The following FAR2 variants were observed in gnomAD, a reference collection of about 807,000 sequenced individuals.
FAR2 encodes the protein epididymis secretory protein Li 81.
Under a neutral mutation model 56.0 loss-of-function variants are expected in FAR2, and 19 were observed. The ratio of observed to expected loss-of-function variants is 0.34; its 90% CI spans 0.24 to 0.50. FAR2 has a LOEUF of 0.50. FAR2 is among the 20% of genes least tolerant of loss of function. The pLI, the probability that FAR2 is intolerant of heterozygous loss-of-function variation, is 0.98. For synonymous variants in FAR2, 219 were observed against 218.8 expected (o/e 1.00, Z -0.01); for missense variants, 508 against 642.2 (o/e 0.79, Z 2.26).
chr12:29,150,966 G>C (rs150180238), intron 1 of FAR2, among the ~76,000 whole-genome samples: 1 of 152,214 alleles, frequency 6.6e-6, no homozygotes, highest in Non-Finnish European at 1.5e-5. Context: ...GTGACATCCA[G>C]TTACAGAGGA....
At chr12:29,170,047 A>C (rs1949870210) in intron 1 of FAR2, among the ~76,000 whole-genome samples, 1 of 152,200 alleles carries the variant, frequency 6.6e-6, no homozygotes, top group South Asian at 2.1e-4. Flanking sequence ...CTTTGCTATT[A>C]ATAAGACCTC....
intron 1 of FAR2, among the ~76,000 whole-genome samples, chr12:29,181,674 A>G (rs551758058): frequency 6.6e-6 from 1 of 152,288 alleles, no homozygotes; most frequent in South Asian, 2.1e-4. Context: ...TCCTCTTCCA[A>G]TCTAGGGTAA....
At chr12:29,291,574 C>G (rs1948968333) in intron 2 of FAR2, 1 of 417,500 alleles carries the variant, frequency 2.4e-6, no homozygotes, top group East Asian at 7.2e-5. Context: ...GTGTGAAATA[C>G]AGATTCCTGG....
rs775015209 is a variant in FAR2, at chr12:29,297,028, G to A, written c.373G>A (p.Val125Met). Residue 125 changes from valine to methionine, a missense_variant, in exon 4 of 12, where the codon GTG (valine) becomes ATG (methionine). By Grantham distance (21) the Val-to-Met change is conservative. Coordinates refer to ENST00000536681, the MANE Select transcript of FAR2 (RefSeq NM_001271783.2). The part of the protein sequence containing the change: ...VRFDDTLRHA[V>M]QLNVTATRQL... Reference sequence around the variant, plus strand: ...CTGCTTAATCTTCTCTAGACATGCTGTGCAACTTAACGTCACTGCCACCCG... The same window carrying A: ...CTGCTTAATCTTCTCTAGACATGCTATGCAACTTAACGTCACTGCCACCCG... 26 of 1,606,022 alleles carry A rather than the reference G, an allele frequency of 1.6e-5. No individual in the cohort carries two copies. The South Asian group carries it at 2.9e-4, about 18-fold the overall frequency.
intron 1 of FAR2, among the ~76,000 whole-genome samples, chr12:29,197,501 A>G (rs960567982): frequency 3.3e-5 from 5 of 152,212 alleles, no homozygotes; most frequent in Admixed American, 3.3e-4. Flanking sequence ...TGATAGGGGT[A>G]TTAATCCCAT....
At chr12:29,159,001 G>T (rs1949755358) in intron 1 of FAR2, among the ~76,000 whole-genome samples, 1 of 152,242 alleles carries the variant, frequency 6.6e-6, no homozygotes, top group Non-Finnish European at 1.5e-5. Context: ...GCCAGGCAGG[G>T]TGTTTAGCTT....
chr12:29,240,457 CTG>C (rs546758974), intron 1 of FAR2, among the ~76,000 whole-genome samples: 15 of 152,254 alleles, frequency 9.9e-5, no homozygotes, highest in African/African-American at 3.6e-4. Context: ...ACCAATATAA[CTG>C]TGTAGCAAGC....
chr12:29,308,709 C>CATATATATATATATATATATATAT (rs1428996085), intron 5 of FAR2, among the ~76,000 whole-genome samples: 17 of 103,692 alleles, frequency 1.6e-4, no homozygotes, highest in African/African-American at 7.3e-4. Flanking sequence ...CACACACACA[C>CATATATATATATATATATATATAT]ACACACACAC....
chr12:29,227,803 C>T (rs1372916010), intron 1 of FAR2, among the ~76,000 whole-genome samples: 1 of 151,752 alleles, frequency 6.6e-6, no homozygotes, highest in Non-Finnish European at 1.5e-5. Flanking sequence ...TTAAAGCCTT[C>T]CTTGTTTTAG....
rs78977555 is a variant in FAR2, at chr12:29,283,860, T to C, written c.190-9440T>C. Among the ~76,000 whole-genome samples, 880 of 152,326 alleles carry C rather than the reference T, an allele frequency of 5.8e-3. 6 individuals carry two copies. The highest frequency in any genetic ancestry group is 7.9e-3 in the Non-Finnish European group (535 of 68,026). ...TCAAAAGCAAATGTAGATAGTGCAA[T>C]TGATATTTTAGCTTTATTATTGTCT... On this transcript the variant is annotated intron_variant, in intron 2 of 11. Transcript: ENST00000536681.
At chr12:29,193,126 A>G (rs181665126) in intron 1 of FAR2, among the ~76,000 whole-genome samples, 1 of 152,230 alleles carries the variant, frequency 6.6e-6, no homozygotes, top group Admixed American at 6.5e-5. Flanking sequence ...GCAAAATTAA[A>G]TGGAAAGTTC....
intron 1 of FAR2, among the ~76,000 whole-genome samples, chr12:29,185,023 G>A (rs1027769540): frequency 6.6e-6 from 1 of 152,070 alleles, no homozygotes; most frequent in Non-Finnish European, 1.5e-5. Flanking sequence ...AAGTGATAAT[G>A]TCTGTTTCAT....
chr12:29,188,703 A>C (rs929123729), intron 1 of FAR2, among the ~76,000 whole-genome samples: 20 of 150,978 alleles, frequency 1.3e-4, no homozygotes, highest in Admixed American at 1.2e-3. Flanking sequence ...TCATCAAATC[A>C]CCCTAGTTTT....
chr12:29,253,643 T>C (rs1268671303), intron 1 of FAR2, among the ~76,000 whole-genome samples: 1 of 152,160 alleles, frequency 6.6e-6, no homozygotes, highest in Non-Finnish European at 1.5e-5. Context: ...AATCTTTTAT[T>C]TGTAAGCTGA....
At chr12:29,253,914 A>G (rs1368489931) in intron 1 of FAR2, among the ~76,000 whole-genome samples, 3 of 152,212 alleles carry the variant, frequency 2.0e-5, no homozygotes, top group Non-Finnish European at 4.4e-5. Context: ...GAAATGGTGG[A>G]TTTAGGTTAT....
At position 29,311,226 on chromosome 12, in the gene FAR2, A is replaced by C. The variant is rs1949346199; in HGVS notation, c.887+80A>C. ...TTAGGCCCATTTTCCAAATATAGGCATTTCATTGTACAAGACCCCAAATGT... is the reference window on the plus strand; with the variant it reads ...TTAGGCCCATTTTCCAAATATAGGCCTTTCATTGTACAAGACCCCAAATGT... On this transcript the variant is annotated intron_variant, in intron 7 of 11. Coordinates refer to ENST00000536681, the MANE Select transcript of FAR2 (RefSeq NM_001271783.2). The C allele has an allele frequency of 9.4e-6, 9 of 954,806 alleles. No individual in the cohort carries two copies. In the South Asian group the frequency reaches 1.2e-4, roughly 13 times the overall value. The allele number at this position is 954,806 out of a possible 1,614,324, so 59.1% of individuals were successfully genotyped here. A position where few individuals can be genotyped will look rare whatever the true frequency, so the allele number is the denominator to read the frequency against.
intron 1 of FAR2, among the ~76,000 whole-genome samples, chr12:29,244,607 G>A (rs561565687): frequency 6.6e-5 from 10 of 152,216 alleles, no homozygotes; most frequent in South Asian, 2.1e-4. Context: ...CCATTTCCTC[G>A]TTTATTCATT....
At chr12:29,265,773 G>A (rs1325404949) in intron 1 of FAR2, among the ~76,000 whole-genome samples, 1 of 152,084 alleles carries the variant, frequency 6.6e-6, no homozygotes, top group African/African-American at 2.4e-5. Flanking sequence ...CATCTGACAA[G>A]GGATTAAGAA....
intron 1 of FAR2, among the ~76,000 whole-genome samples, chr12:29,186,071 A>G (rs1809922504): frequency 6.6e-6 from 1 of 152,188 alleles, no homozygotes; most frequent in South Asian, 2.1e-4. Flanking sequence ...ATATTTAAAA[A>G]CTAGTGAAAT....
Sources: allele counts gnomAD v4.1 joint callset (sites outside exome capture counted in the v4.1 genomes callset), GRCh38; gene constraint gnomAD v4.1.1; transcripts MANE v1.5; gene names NCBI Gene and HGNC (gene_info 2026-07-23, HGNC 2026-07-21).